ZNF10: variants seen among roughly 807,000 people sequenced by gnomAD.
ZNF10 encodes zinc finger protein 10 (KOX 1).
A neutral mutation model predicts 12.2 loss-of-function variants in ZNF10; 8 were observed. The observed-to-expected ratio is 0.66, with a 90% CI of 0.39 to 1.18. The LOEUF (loss-of-function observed/expected upper bound fraction) is 1.18, where lower values mean the gene tolerates loss of function less well. Among genes scored for constraint, ZNF10 ranks in the 50% most tolerant of loss-of-function variants. ZNF10 has a pLI of 0.01. For missense variants in ZNF10, 603 were observed against 678.9 expected (o/e 0.89, Z 1.24); for synonymous variants, 229 against 228.2 (o/e 1.00, Z -0.03).
chr12:133,154,901 AC>A (rs1162553534), intron 4 of ZNF10, among the ~76,000 whole-genome samples: 1 of 152,206 alleles, frequency 6.6e-6, no homozygotes, highest in African/African-American at 2.4e-5. Flanking sequence ...ACATAGTGAA[AC>A]CCTGTCTCTG....
Position 133,144,501 on chromosome 12 carries a change from T to G in ZNF10, c.9T>G (p.Ala3=). The change falls in exon 2 of 5, where the codon GCT becomes GCG. Residue 3 remains alanine, a synonymous_variant. Coordinates refer to ENST00000248211, the MANE Select transcript of ZNF10 (RefSeq NM_015394.5). MD[A]KSLTAWSRTL... ...TCAAGAACAAGGAGGGCATGGATGCTAAGTCACTAACTGCCTGGTCCCGGG... is the reference window on the plus strand; with the variant it reads ...TCAAGAACAAGGAGGGCATGGATGCGAAGTCACTAACTGCCTGGTCCCGGG... 6.2e-7 allele frequency: 1 copy of G among 1,614,060 alleles called. No homozygotes were observed. The highest frequency in any genetic ancestry group is 8.5e-7 in the Non-Finnish European group (1 of 1,179,944).
intron 2 of ZNF10, chr12:133,144,847 CA>C: frequency 2.1e-6 from 1 of 475,118 alleles, no homozygotes; most frequent in Non-Finnish European, 4.2e-6. Flanking sequence ...TCATGCTGAC[CA>C]AAAAATTCAA....
At chr12:133,155,246 C>T (rs1474598764) in intron 4 of ZNF10, among the ~76,000 whole-genome samples, 1 of 152,144 alleles carries the variant, frequency 6.6e-6, no homozygotes. Context: ...TCTACCCTCA[C>T]CATTGATACC....
chr12:133,132,765 C>T (rs1034724150), intron 1 of ZNF10, among the ~76,000 whole-genome samples: 10 of 152,158 alleles, frequency 6.6e-5, no homozygotes, highest in African/African-American at 2.4e-4. Flanking sequence ...TCTTTCCACA[C>T]AATATCTCCT....
intron 2 of ZNF10, among the ~76,000 whole-genome samples, chr12:133,148,674 T>C (rs1245596070): frequency 6.6e-6 from 1 of 152,162 alleles, no homozygotes; most frequent in Non-Finnish European, 1.5e-5. Context: ...TTTTGTATGA[T>C]TAGTGTTTCC....
At chr12:133,152,037 T>TTGAAG in intron 4 of ZNF10, 133 bp downstream of exon 4, 1 of 634,464 alleles carries the variant, frequency 1.6e-6, no homozygotes. Context: ...ATCTGGCCCC[T>TTGAAG]GTTTCCCCAC....
chr12:133,143,099 A>T (rs1955955852), intron 1 of ZNF10, among the ~76,000 whole-genome samples: 1 of 152,224 alleles, frequency 6.6e-6, no homozygotes, highest in African/African-American at 2.4e-5. Context: ...GAAAGGGCAA[A>T]TATTGTATGA....
In ZNF10 at chr12:133,155,666, G is replaced by A. The variant is rs750159777; in HGVS notation, c.420G>A (p.Gln140=). The A allele has an allele frequency of 6.2e-7, 1 of 1,613,546 alleles. No homozygotes were observed. Residue 140 remains glutamine (Q), a synonymous_variant, in exon 5 of 5, where the codon CAG becomes CAA. Coordinates refer to ENST00000248211, the MANE Select transcript of ZNF10 (RefSeq NM_015394.5). Reference sequence around the variant, plus strand: ...GTAGAGACCAGTTAGACAAGTATCAGGAAAACCCAGAGAGACATTTGAGGC... The same window carrying A: ...GTAGAGACCAGTTAGACAAGTATCAAGAAAACCCAGAGAGACATTTGAGGC... The part of the protein sequence containing the change: ...WKCRDQLDKY[Q]ENPERHLRQV...
rs1056025310 is a variant in ZNF10, at chr12:133,157,763, C to T, written c.*795C>T. On this transcript the variant is annotated 3_prime_UTR_variant, in exon 5 of 5. Coordinates refer to ENST00000248211, the MANE Select transcript of ZNF10 (RefSeq NM_015394.5). ...GAGTACCACCTGTTAATGAGCTTTC[C>T]TATTCTAAATTGTTTTGGGTCACAG... 1 of 152,114 alleles carries T rather than the reference C, an allele frequency of 6.6e-6. No homozygotes were observed. The highest frequency in any genetic ancestry group is 2.4e-5 in the African/African-American group (1 of 41,420). The allele number at this position is 152,114 out of a possible 1,614,324, so 9.4% of individuals were successfully genotyped here. A position where few individuals can be genotyped will look rare whatever the true frequency, so the allele number is the denominator to read the frequency against.
At chr12:133,146,458 T>G (rs549992562) in intron 2 of ZNF10, among the ~76,000 whole-genome samples, 8 of 151,922 alleles carry the variant, frequency 5.3e-5, no homozygotes, top group Admixed American at 3.9e-4. Flanking sequence ...CATTTAAAAT[T>G]TTTTTTTTAC....
At chr12:133,142,040 A>G (rs1284626734) in intron 1 of ZNF10, among the ~76,000 whole-genome samples, 1 of 152,214 alleles carries the variant, frequency 6.6e-6, no homozygotes, top group East Asian at 1.9e-4. Flanking sequence ...CAAAGTACTG[A>G]AAGAAAAAAA....
At chr12:133,146,834 A>C (rs989814839) in intron 2 of ZNF10, among the ~76,000 whole-genome samples, 13 of 151,998 alleles carry the variant, frequency 8.6e-5, no homozygotes, top group African/African-American at 3.1e-4. Context: ...TGAAAGAGCG[A>C]AACTCCATCT....
At chr12:133,136,389 C>T (rs2135457407) in intron 1 of ZNF10, among the ~76,000 whole-genome samples, 1 of 152,290 alleles carries the variant, frequency 6.6e-6, no homozygotes, top group African/African-American at 2.4e-5. Context: ...TTAGTGAAGG[C>T]TTATCTAACC....
intron 1 of ZNF10, among the ~76,000 whole-genome samples, chr12:133,136,349 T>C (rs926608160): frequency 6.6e-6 from 1 of 152,224 alleles, no homozygotes; most frequent in Non-Finnish European, 1.5e-5. Flanking sequence ...CTGTTTCCAC[T>C]AGTGTATTGA....
intron 1 of ZNF10, among the ~76,000 whole-genome samples, chr12:133,136,288 C>T (rs1455628677): frequency 6.6e-6 from 1 of 152,164 alleles, no homozygotes; most frequent in African/African-American, 2.4e-5. Context: ...CCTGCCCTTT[C>T]TCTTCCTTCT....
chr12:133,146,333 G>T (rs1207372628), intron 2 of ZNF10, among the ~76,000 whole-genome samples: 1 of 152,208 alleles, frequency 6.6e-6, no homozygotes, highest in Admixed American at 6.5e-5. Context: ...GAGGGCAAGA[G>T]AAACCTTTGG....
At chr12:133,150,616 A>G (rs1956001616) in intron 2 of ZNF10, among the ~76,000 whole-genome samples, 1 of 150,576 alleles carries the variant, frequency 6.6e-6, no homozygotes, top group African/African-American at 2.4e-5. Flanking sequence ...AATGTTTTGG[A>G]TAATTATTTT....
intron 2 of ZNF10, among the ~76,000 whole-genome samples, chr12:133,148,281 C>T (rs961255532): frequency 3.9e-5 from 6 of 152,010 alleles, no homozygotes; most frequent in South Asian, 2.1e-4. Flanking sequence ...TCACCATGCC[C>T]AGCTAATTTT....
intron 1 of ZNF10, among the ~76,000 whole-genome samples, chr12:133,140,959 A>G (rs1955941241): frequency 6.6e-6 from 1 of 150,716 alleles, no homozygotes; most frequent in Non-Finnish European, 1.5e-5. Flanking sequence ...CGTGTGAGGA[A>G]ACTACTTGAG....
Sources: gnomAD v4.1 joint callset for allele counts (sites outside exome capture counted in the v4.1 genomes callset) on GRCh38, gnomAD v4.1.1 for gene constraint, MANE v1.5 for transcripts, NCBI Gene and HGNC (gene_info 2026-07-23, HGNC 2026-07-21) for gene names.